Variants in FUT9 observed in about 807,000 individuals in gnomAD.
FUT9 encodes 4-galactosyl-N-acetylglucosaminide 3-alpha-L-fucosyltransferase 9.
FUT9 carries 15 observed loss-of-function variants against 29.7 expected under a neutral mutation model. The ratio of observed to expected loss-of-function variants is 0.51; its 90% CI spans 0.34 to 0.78. The LOEUF (loss-of-function observed/expected upper bound fraction) is 0.78. Ranked by LOEUF, FUT9 falls within the 30% of genes least tolerant of loss-of-function variation. The probability of loss-of-function intolerance (pLI) is 0.01; values close to 1 mark genes in which losing one functional copy is unlikely to be tolerated. For missense variants in FUT9, 319 were observed against 425.4 expected (o/e 0.75, Z 2.20); for synonymous variants, 169 against 153.7 (o/e 1.10, Z -0.74).
Position 96,205,274 on chromosome 6 carries a change from T to A in FUT9, c.*1039T>A, listed in dbSNP as rs548143574. 1 of 167,140 alleles carries A rather than the reference T, an allele frequency of 6.0e-6. No individual in the cohort carries two copies. Among genetic ancestry groups the A allele is most frequent in the Non-Finnish European group, 1.5e-5 (1 of 68,080 alleles). 10.4% of individuals were successfully genotyped at this position (167,140 alleles called of 1,614,324 possible). A position where few individuals can be genotyped will look rare whatever the true frequency, so the allele number is the denominator to read the frequency against. On this transcript the variant is annotated 3_prime_UTR_variant, in exon 3 of 3. Coordinates refer to ENST00000302103, the MANE Select transcript of FUT9 (RefSeq NM_006581.4). The stretch of plus-strand genomic sequence containing the variant: ...ATAAAATTATCATCAAGGTATTAAA[T>A]ATAAGACGTTAAATATAATAAAGTG...
chr6:96,133,264 A>T (rs190940782), intron 2 of FUT9, among the ~76,000 whole-genome samples: 3 of 152,016 alleles, frequency 2.0e-5, no homozygotes, highest in Non-Finnish European at 4.4e-5. Flanking sequence ...AAGGAAAAAA[A>T]TAGCCCTAGA....
At position 96,203,756 on chromosome 6, in the gene FUT9, G is replaced by A; in HGVS notation, c.601G>A (p.Ala201Thr). Residue 201 changes from alanine to threonine, a missense_variant, in exon 3 of 3, where the codon GCC becomes ACC. Transcript: ENST00000302103. ...TGTGAGTAACTGGAACCCTGAGCAT[G>A]CCAGAGTCAAGTATTACAATGAGCT... is the stretch of plus-strand genomic sequence containing the variant. ...WVVSNWNPEHARVKYYNELSK... is the reference protein window; with the variant it reads ...WVVSNWNPEHTRVKYYNELSK... 1 of 1,614,060 alleles carries A rather than the reference G, an allele frequency of 6.2e-7. No individual in the cohort carries two copies. The highest frequency in any genetic ancestry group is 8.5e-7 in the Non-Finnish European group (1 of 1,180,008).
At chr6:96,171,725 C>T (rs1340390289) in intron 2 of FUT9, among the ~76,000 whole-genome samples, 1 of 152,090 alleles carries the variant, frequency 6.6e-6, no homozygotes, top group African/African-American at 2.4e-5. Flanking sequence ...AGGGCCCATG[C>T]AGCAAAACTT....
intron 2 of FUT9, among the ~76,000 whole-genome samples, chr6:96,156,654 T>C (rs1772791137): frequency 2.0e-5 from 3 of 152,158 alleles, no homozygotes; most frequent in Admixed American, 2.0e-4. Context: ...AGTTCCCTTA[T>C]CTGCACAAAA....
chr6:96,133,154 T>C (rs1042938669), intron 2 of FUT9, among the ~76,000 whole-genome samples: 19 of 151,902 alleles, frequency 1.3e-4, no homozygotes, highest in African/African-American at 4.6e-4. Flanking sequence ...AATATTCTTG[T>C]CTTTTAGGGA....
chr6:96,201,513 T>C (rs1773725629), intron 2 of FUT9, among the ~76,000 whole-genome samples: 1 of 151,998 alleles, frequency 6.6e-6, no homozygotes, highest in African/African-American at 2.4e-5. Context: ...TTTCTTTGTA[T>C]AGCTTCTTGA....
chr6:96,050,263 G>A (rs1445823920), intron 1 of FUT9, among the ~76,000 whole-genome samples: 4 of 152,152 alleles, frequency 2.6e-5, no homozygotes, highest in African/African-American at 9.7e-5. Flanking sequence ...ACACCCATCA[G>A]TCTGTCTCTG....
intron 1 of FUT9, among the ~76,000 whole-genome samples, chr6:96,103,721 G>T (rs1390558441): frequency 6.6e-6 from 1 of 152,046 alleles, no homozygotes; most frequent in African/African-American, 2.4e-5. Context: ...TGGATTTAGG[G>T]CCTAACCCTG....
At chr6:96,145,298 C>T (rs572876490) in intron 2 of FUT9, among the ~76,000 whole-genome samples, 66 of 152,172 alleles carry the variant, frequency 4.3e-4, no homozygotes, top group African/African-American at 1.5e-3. Context: ...GACCGTGATC[C>T]GCCCGCCTCG....
intron 1 of FUT9, among the ~76,000 whole-genome samples, chr6:96,050,032 G>T (rs1229119908): frequency 6.6e-6 from 1 of 152,096 alleles, no homozygotes. Context: ...CTGCTCACAA[G>T]GCATCTCGAA....
chr6:96,030,063 C>A (rs1234111328), intron 1 of FUT9, among the ~76,000 whole-genome samples: 1 of 151,550 alleles, frequency 6.6e-6, no homozygotes, highest in African/African-American at 2.4e-5. Context: ...GACCAGAACT[C>A]CTCTGTCTGT....
intron 1 of FUT9, among the ~76,000 whole-genome samples, chr6:96,056,461 G>T (rs534882873): frequency 2.0e-5 from 3 of 152,164 alleles, no homozygotes; most frequent in Admixed American, 6.5e-5. Context: ...ATACTAGACT[G>T]CTCATGATCA....
At chr6:96,055,531 CT>C (rs964395485) in intron 1 of FUT9, among the ~76,000 whole-genome samples, 12 of 148,396 alleles carry the variant, frequency 8.1e-5, no homozygotes, top group South Asian at 2.1e-4. Flanking sequence ...TCTTTTTTTC[CT>C]TTTTTTTTAA....
chr6:96,020,991 T>C (rs1004634907), intron 1 of FUT9: 1 of 152,048 alleles, frequency 6.6e-6, no homozygotes, highest in African/African-American at 2.4e-5. Flanking sequence ...TGATTTAAGC[T>C]CTGACCTCAA....
chr6:96,152,327 A>T (rs192812905), intron 2 of FUT9, among the ~76,000 whole-genome samples: 59 of 152,290 alleles, frequency 3.9e-4, no homozygotes, highest in African/African-American at 1.4e-3. Flanking sequence ...TTATATGTGG[A>T]TATCGCTCCC....
intron 1 of FUT9, among the ~76,000 whole-genome samples, chr6:96,045,638 G>A (rs1303869104): frequency 6.6e-6 from 1 of 152,238 alleles, no homozygotes; most frequent in African/African-American, 2.4e-5. Flanking sequence ...CAAAGCAGAG[G>A]AAGTGGGGGA....
In FUT9 at chr6:96,211,505, C is replaced by T. The variant is rs1225412565; in HGVS notation, c.*7270C>T. 2.4e-5 allele frequency: 4 copies of T among 166,718 alleles called. No homozygotes were observed. Among genetic ancestry groups the T allele is most frequent in the African/African-American group, 9.7e-5 (4 of 41,384 alleles). 10.3% of individuals were successfully genotyped at this position (166,718 alleles called of 1,614,324 possible). Reference sequence around the variant, plus strand: ...AGTTAATGATTTGTTAGGAAGTCTCCATCTACTCTTAAACTAATTTAAAAA... The same window carrying T: ...AGTTAATGATTTGTTAGGAAGTCTCTATCTACTCTTAAACTAATTTAAAAA... On this transcript the variant is annotated 3_prime_UTR_variant, in exon 3 of 3. Coordinates refer to ENST00000302103, the MANE Select transcript of FUT9 (RefSeq NM_006581.4).
chr6:96,178,546 C>A (rs780907669), intron 2 of FUT9, among the ~76,000 whole-genome samples: 2 of 152,070 alleles, frequency 1.3e-5, no homozygotes, highest in African/African-American at 4.8e-5. Flanking sequence ...TTTCTATTGT[C>A]CTCGGCTCAA....
At chr6:96,038,562 G>T (rs1385249524) in intron 1 of FUT9, among the ~76,000 whole-genome samples, 1 of 152,118 alleles carries the variant, frequency 6.6e-6, no homozygotes, top group Non-Finnish European at 1.5e-5. Flanking sequence ...GGCATTTCTA[G>T]AAAAGCAGTT....
Sources: gnomAD v4.1 joint callset for allele counts (sites outside exome capture counted in the v4.1 genomes callset) on GRCh38, gnomAD v4.1.1 for gene constraint, MANE v1.5 for transcripts, NCBI Gene and HGNC (gene_info 2026-07-23, HGNC 2026-07-21) for gene names.